Variants in MYLK4 observed in about 807,000 individuals in gnomAD.
MYLK4 encodes caMLCK like.
A neutral mutation model predicts 48.1 loss-of-function variants in MYLK4; 46 were observed. The ratio of observed to expected loss-of-function variants is 0.96; its 90% CI spans 0.75 to 1.22. MYLK4 has a LOEUF of 1.22. Among genes scored for constraint, MYLK4 ranks in the 50% most tolerant of loss-of-function variants. The pLI, the probability that MYLK4 is intolerant of heterozygous loss-of-function variation, is 0.00. For synonymous variants in MYLK4, 170 were observed against 180.8 expected (o/e 0.94, Z 0.48); for missense variants, 451 against 486.1 (o/e 0.93, Z 0.68).
At chr6:2,751,887 T>A (rs1321958735), upstream of MYLK4, among the ~76,000 whole-genome samples, 4 of 152,254 alleles carry the variant, frequency 2.6e-5, no homozygotes, top group Non-Finnish European at 5.9e-5. Context: ...GAGAGCTTTG[T>A]TCTTCAGCAA....
chr6:2,744,146 GGTGT>G, intron 2 of MYLK4: 2 of 216,736 alleles, frequency 9.2e-6, no homozygotes, highest in Admixed American at 3.0e-4. Context: ...CTGAGGAGTG[GGTGT>G]CACCGAATTA....
intron 12 of MYLK4, among the ~76,000 whole-genome samples, chr6:2,670,290 T>G (rs910573280): frequency 2.6e-5 from 4 of 152,104 alleles, no homozygotes; most frequent in Non-Finnish European, 5.9e-5. Flanking sequence ...CGCTTGAACC[T>G]GGGAGGTGGG....
chr6:2,683,377 A>T (rs1761393431), intron 6 of MYLK4, among the ~76,000 whole-genome samples: 1 of 134,238 alleles, frequency 7.4e-6, no homozygotes, highest in Non-Finnish European at 1.6e-5. Context: ...TCCTCAAGCC[A>T]ACTCCCCACC....
In MYLK4 at chr6:2,699,318, GTCTC is replaced by G. The variant is rs1246729492; in HGVS notation, c.160-6463_160-6460del. On this transcript the variant is annotated intron_variant, in intron 2 of 12. Transcript: ENST00000274643. ...TTTTTTTTTTTTTTTTTGATATGGA[GTCTC>G]TCTCTGTCGCCCAGGCTGGAGTGCA... 6.8e-3 allele frequency among the ~76,000 whole-genome samples: 449 copies of G among 65,962 alleles called. 1 individual carries two copies. The highest frequency in any genetic ancestry group is 0.026 in the African/African-American group (406 of 15,730). The allele number at this position is 65,962 out of a possible 152,430, so 43.3% of individuals were successfully genotyped here.
intron 2 of MYLK4, among the ~76,000 whole-genome samples, chr6:2,737,045 A>G (rs976343061): frequency 1.3e-5 from 2 of 152,168 alleles, no homozygotes; most frequent in African/African-American, 4.8e-5. Context: ...ATGCACATCA[A>G]ATAATACACC....
chr6:2,699,285 TTC>T (rs1261362356), intron 2 of MYLK4, among the ~76,000 whole-genome samples: 4 of 90,882 alleles, frequency 4.4e-5, no homozygotes, highest in African/African-American at 1.7e-4. Context: ...TTCTTTTCTT[TTC>T]TTTTTTTTTT....
At chr6:2,725,007 T>TG (rs1356872604) in intron 2 of MYLK4, among the ~76,000 whole-genome samples, 2 of 152,094 alleles carry the variant, frequency 1.3e-5, no homozygotes, top group Non-Finnish European at 2.9e-5. Context: ...AAAAATTAGC[T>TG]GGGCATGGTG....
At chr6:2,736,183 T>G (rs1054707661) in intron 2 of MYLK4, among the ~76,000 whole-genome samples, 1 of 152,242 alleles carries the variant, frequency 6.6e-6, no homozygotes, top group African/African-American at 2.4e-5. Flanking sequence ...ATAATAATAC[T>G]GTTACAGATA....
intron 2 of MYLK4, among the ~76,000 whole-genome samples, chr6:2,734,599 C>CTA (rs1017298644): frequency 2.3e-3 from 346 of 151,200 alleles, no homozygotes; most frequent in African/African-American, 7.2e-3. Context: ...GCCTGAAAGA[C>CTA]TATATATATA....
chr6:2,676,096 A>AG (rs1761072828), intron 10 of MYLK4, among the ~76,000 whole-genome samples: 1 of 151,766 alleles, frequency 6.6e-6, no homozygotes, highest in Non-Finnish European at 1.5e-5. Context: ...TGTCTCAAAA[A>AG]AAAAAAAAAA....
At chr6:2,717,277 C>T (rs182244529) in intron 2 of MYLK4, among the ~76,000 whole-genome samples, 45 of 152,332 alleles carry the variant, frequency 3.0e-4, no homozygotes, top group African/African-American at 1.1e-3. Context: ...TTCCTTTTTA[C>T]GGTCTTCTTG....
At chr6:2,717,544 G>T (rs551033569) in intron 2 of MYLK4, among the ~76,000 whole-genome samples, 4 of 152,200 alleles carry the variant, frequency 2.6e-5, no homozygotes. Flanking sequence ...TGGCTCTCCC[G>T]AGATTTGGGA....
At chr6:2,678,453 C>G in intron 9 of MYLK4, 81 bp from the exon 10 acceptor site, 1 of 1,456,204 alleles carries the variant, frequency 6.9e-7, no homozygotes, top group Non-Finnish European at 9.3e-7. Context: ...CTGGTTGTGC[C>G]ATTTAAAGGT....
chr6:2,766,508 G>GGA, the MYLK4 span: 1 of 1,439,584 alleles, frequency 6.9e-7, no homozygotes, highest in South Asian at 1.4e-5. Flanking sequence ...GCTGATGGTC[G>GGA]GAGAGCCGGG....
chr6:2,763,396 T>A, the MYLK4 span, among the ~76,000 whole-genome samples: 1 of 152,174 alleles, frequency 6.6e-6, no homozygotes, highest in Non-Finnish European at 1.5e-5. Flanking sequence ...AAGCAGCGCT[T>A]CTCAGGGAGG....
chr6:2,688,779 G>T, intron 4 of MYLK4, 72 bp downstream of exon 4: 1 of 1,183,482 alleles, frequency 8.4e-7, no homozygotes, highest in Non-Finnish European at 1.3e-6. Flanking sequence ...GTCAAGACAG[G>T]CAGACATTTA....
Position 2,688,921 on chromosome 6 carries a change from G to C in MYLK4, c.271C>G (p.Arg91Gly). The C allele has an allele frequency of 6.2e-7, 1 of 1,614,192 alleles. No individual in the cohort carries two copies. The highest frequency in any genetic ancestry group is 8.5e-7 in the Non-Finnish European group (1 of 1,180,022). The change falls in exon 4 of 13, where the codon CGT becomes GGT. Residue 91 changes from arginine (R) to glycine (G), a missense_variant. Transcript: ENST00000274643. ...IPAPPAPFDH[R>G]IVTAKQGAVN... ...GCTCCTTGCTTGGCTGTCACAATACGATGATCAAATGGGGCCGGAGGAGCC... is the reference window on the plus strand; with the variant it reads ...GCTCCTTGCTTGGCTGTCACAATACCATGATCAAATGGGGCCGGAGGAGCC...
At chr6:2,711,396 T>C (rs764500968) in intron 2 of MYLK4, among the ~76,000 whole-genome samples, 4 of 152,236 alleles carry the variant, frequency 2.6e-5, no homozygotes, top group Non-Finnish European at 5.9e-5. Flanking sequence ...GTTAGTGTTC[T>C]GGATGTGTTA....
intron 2 of MYLK4, among the ~76,000 whole-genome samples, chr6:2,709,093 G>C (rs986002919): frequency 6.6e-6 from 1 of 152,056 alleles, no homozygotes; most frequent in Non-Finnish European, 1.5e-5. Context: ...CCCTCTATCG[G>C]TCATCTCATC....
Sources: allele counts gnomAD v4.1 joint callset (sites outside exome capture counted in the v4.1 genomes callset), GRCh38; gene constraint gnomAD v4.1.1; transcripts MANE v1.5; gene names NCBI Gene and HGNC (gene_info 2026-07-23, HGNC 2026-07-21).